CREM: variants seen among roughly 807,000 people sequenced by gnomAD.
CREM encodes the protein cAMP-responsive element modulator.
CREM carries 13 observed loss-of-function variants against 37.3 expected under a neutral mutation model. The observed-to-expected ratio is 0.35, with a 90% CI of 0.23 to 0.55. The LOEUF (loss-of-function observed/expected upper bound fraction) is 0.55, where lower values mean the gene tolerates loss of function less well. Among genes scored for constraint, CREM ranks in the 20% least tolerant of loss-of-function variants. CREM has a pLI of 0.88. For synonymous variants in CREM, 124 were observed against 120.2 expected, an observed-to-expected ratio of 1.03 and a Z score of -0.21; for missense variants, 296 against 362.3, an observed-to-expected ratio of 0.82 and a Z score of 1.49.
intron 6 of CREM, chr10:35,195,017 C>A: frequency 1.9e-6 from 1 of 536,360 alleles, no homozygotes; most frequent in South Asian, 2.8e-5. Context: ...TTTTATAGGG[C>A]TTGGGTTTCA....
intron 3 of CREM, among the ~76,000 whole-genome samples, chr10:35,172,177 G>T (rs1489666754): frequency 6.6e-6 from 1 of 152,098 alleles, no homozygotes; most frequent in Non-Finnish European, 1.5e-5. Flanking sequence ...TTTCTATTTT[G>T]CCAGTCTCTG....
rs1590002192 is a variant in CREM at position 35,179,295 on chromosome 10, G to A, written c.409+19G>A. 6.2e-7 allele frequency: 1 copy of A among 1,612,378 alleles called. No homozygotes were observed. The highest frequency in any genetic ancestry group is 8.5e-7 in the Non-Finnish European group (1 of 1,179,324). ...CAATACAGTATGTATGCTGCAATTC[G>A]ATATGATACAGTGCTAGCTTTAAGT... On this transcript the variant is annotated intron_variant, in intron 5 of 7. Transcript: ENST00000685392.
At chr10:35,169,021 T>A (rs1468023895) in intron 3 of CREM, among the ~76,000 whole-genome samples, 1 of 152,220 alleles carries the variant, frequency 6.6e-6, no homozygotes, top group Non-Finnish European at 1.5e-5. Flanking sequence ...TAGTTTGAAG[T>A]CAGGTAACGT....
rs1287030887 is a variant in CREM at position 35,207,067 on chromosome 10, G to A, written c.755+16G>A. 5.0e-6 allele frequency: 8 copies of A among 1,607,110 alleles called. No individual in the cohort carries two copies. The South Asian group carries it at 8.8e-5, about 18-fold the overall frequency. On this transcript the variant is annotated intron_variant, in intron 7 of 7. Coordinates refer to ENST00000685392, the MANE Select transcript of CREM (RefSeq NM_183011.2). Reference sequence around the variant, plus strand: ...TGAAAAACAGGTGAGGTGTTGCACAGGGAATCGGTAACTTCTAGGACACTT... The same window carrying A: ...TGAAAAACAGGTGAGGTGTTGCACAAGGAATCGGTAACTTCTAGGACACTT...
chr10:35,133,939 G>A (rs548372927), intron 1 of CREM, among the ~76,000 whole-genome samples: 4 of 152,276 alleles, frequency 2.6e-5, no homozygotes, highest in African/African-American at 9.6e-5. Flanking sequence ...AATTGGTTAA[G>A]TAAACTTTGG....
intron 2 of CREM, among the ~76,000 whole-genome samples, chr10:35,141,408 G>C (rs2091409752): frequency 1.3e-5 from 2 of 152,214 alleles, no homozygotes; most frequent in African/African-American, 4.8e-5. Flanking sequence ...GCTGTGGAAA[G>C]GTAGAGAAGG....
chr10:35,177,100 A>G (rs900740639), intron 3 of CREM, among the ~76,000 whole-genome samples: 1 of 152,212 alleles, frequency 6.6e-6, no homozygotes, highest in Non-Finnish European at 1.5e-5. Flanking sequence ...CTGTGAGGAA[A>G]ATGGAGACAC....
chr10:35,139,127 A>ATTT (rs112599991), intron 2 of CREM, among the ~76,000 whole-genome samples: 1 of 146,004 alleles, frequency 6.8e-6, no homozygotes, highest in Non-Finnish European at 1.5e-5. Flanking sequence ...CATTTTAGCA[A>ATTT]TTTTTTTTTT....
At chr10:35,185,212 C>T (rs2094507015) in intron 5 of CREM, among the ~76,000 whole-genome samples, 1 of 151,844 alleles carries the variant, frequency 6.6e-6, no homozygotes, top group Non-Finnish European at 1.5e-5. Flanking sequence ...AAGCGATTCT[C>T]CTCCCTCAGC....
chr10:35,206,542 A>C (rs113515787), intron 6 of CREM, among the ~76,000 whole-genome samples: 1 of 152,200 alleles, frequency 6.6e-6, no homozygotes, highest in Admixed American at 6.5e-5. Context: ...ACTACACATC[A>C]GGGCTTTTTC....
At chr10:35,134,020 G>A (rs562045367) in intron 1 of CREM, among the ~76,000 whole-genome samples, 1 of 151,202 alleles carries the variant, frequency 6.6e-6, no homozygotes, top group Non-Finnish European at 1.5e-5. Flanking sequence ...GTTACATTAA[G>A]GTATTAATTT....
At chr10:35,157,981 TA>T (rs1163178543) in intron 3 of CREM, among the ~76,000 whole-genome samples, 1 of 152,140 alleles carries the variant, frequency 6.6e-6, no homozygotes, top group Non-Finnish European at 1.5e-5. Flanking sequence ...AAGAAAACTC[TA>T]TTTACAATAG....
At chr10:35,172,869 T>C (rs1589878862) in intron 3 of CREM, among the ~76,000 whole-genome samples, 1 of 152,216 alleles carries the variant, frequency 6.6e-6, no homozygotes, top group Non-Finnish European at 1.5e-5. Context: ...TTGAAGACAT[T>C]TCCTCAAAAA....
chr10:35,136,125 C>T (rs1044419801), intron 1 of CREM, among the ~76,000 whole-genome samples: 2 of 152,194 alleles, frequency 1.3e-5, no homozygotes, highest in East Asian at 3.8e-4. Flanking sequence ...AAGCGGGCGG[C>T]TGTTCCTGGA....
intron 6 of CREM, among the ~76,000 whole-genome samples, chr10:35,199,790 C>G (rs1435849526): frequency 6.6e-6 from 1 of 151,390 alleles, no homozygotes; most frequent in Non-Finnish European, 1.5e-5. Flanking sequence ...GACATTGACA[C>G]ATGAATGCAG....
intron 3 of CREM, among the ~76,000 whole-genome samples, chr10:35,157,163 A>G (rs2092965500): frequency 6.6e-6 from 1 of 152,214 alleles, no homozygotes; most frequent in African/African-American, 2.4e-5. Flanking sequence ...ATCTCAATAC[A>G]TGCATAAAAA....
At chr10:35,202,800 A>G (rs1837010406) in intron 6 of CREM, among the ~76,000 whole-genome samples, 1 of 152,196 alleles carries the variant, frequency 6.6e-6, no homozygotes, top group Admixed American at 6.5e-5. Flanking sequence ...TTATAATAAA[A>G]CCCAGTCACC....
chr10:35,192,826 A>G (rs780651602), intron 6 of CREM, among the ~76,000 whole-genome samples: 1 of 152,222 alleles, frequency 6.6e-6, no homozygotes, highest in Non-Finnish European at 1.5e-5. Flanking sequence ...AAAAGCATCC[A>G]TCAATGTCTG....
intron 2 of CREM, among the ~76,000 whole-genome samples, chr10:35,138,779 T>C (rs977879609): frequency 6.6e-6 from 1 of 151,704 alleles, no homozygotes; most frequent in Non-Finnish European, 1.5e-5. Context: ...TCCCAGCACT[T>C]TGAGAGGCCA....
Sources: allele counts gnomAD v4.1 joint callset (sites outside exome capture counted in the v4.1 genomes callset), GRCh38; gene constraint gnomAD v4.1.1; transcripts MANE v1.5; gene names NCBI Gene and HGNC (gene_info 2026-07-23, HGNC 2026-07-21).